The following TMEM38A variants were observed in gnomAD, a reference collection of about 807,000 sequenced individuals.
TMEM38A encodes the protein transmembrane protein 38A.
Under a neutral mutation model 28.6 loss-of-function variants are expected in TMEM38A, and 17 were observed. The ratio of observed to expected loss-of-function variants is 0.60; its 90% CI spans 0.41 to 0.89. The LOEUF (loss-of-function observed/expected upper bound fraction) is 0.89, where lower values mean the gene tolerates loss of function less well. Ranked by LOEUF, TMEM38A falls within the 40% of genes least tolerant of loss-of-function variation. The probability of loss-of-function intolerance (pLI) is 0.00; values close to 1 mark genes in which losing one functional copy is unlikely to be tolerated. For missense variants in TMEM38A, 328 were observed against 393.1 expected (o/e 0.83, Z 1.40); for synonymous variants, 169 against 166.1 (o/e 1.02, Z -0.14).
At chr19:16,663,526 T>C (rs1220920591) in intron 1 of TMEM38A, among the ~76,000 whole-genome samples, 1 of 151,574 alleles carries the variant, frequency 6.6e-6, no homozygotes, top group Non-Finnish European at 1.5e-5. Flanking sequence ...GGGAGCTTTT[T>C]TTCTTTTCTT....
At position 16,678,604 on chromosome 19, in the gene TMEM38A, A is replaced by G. The variant is rs201273908; in HGVS notation, c.125-1380A>G. On this transcript the variant is annotated intron_variant, in intron 1 of 5. Coordinates refer to ENST00000187762, the MANE Select transcript of TMEM38A (RefSeq NM_024074.4). The stretch of plus-strand genomic sequence containing the variant: ...GCGAAACCCCGTGCCTACTTTAAAT[A>G]TACAAAAAATTAGCCTGGCATGGTG... Among the ~76,000 whole-genome samples the G allele has an allele frequency of 5.9e-5, 9 of 151,752 alleles. No homozygotes were observed. The East Asian group carries it at 1.7e-3, about 29-fold the overall frequency.
At chr19:16,663,413 C>A (rs1193182252) in intron 1 of TMEM38A, among the ~76,000 whole-genome samples, 5 of 152,090 alleles carry the variant, frequency 3.3e-5, no homozygotes, top group African/African-American at 1.2e-4. Context: ...TGCAGAAGTC[C>A]TAGAATAAGC....
chr19:16,679,808 T>TGTGCAACCTCAGGCATGC (rs1405001329), intron 1 of TMEM38A, among the ~76,000 whole-genome samples, 176 bp from the exon 2 acceptor site: 2 of 152,214 alleles, frequency 1.3e-5, no homozygotes, highest in Admixed American at 6.5e-5. Context: ...CTATTTTCTC[T>TGTGCAACCTCAGGCATGC]GTGCAACCTC....
chr19:16,665,588 G>A (rs951147382), intron 1 of TMEM38A, among the ~76,000 whole-genome samples: 1 of 152,182 alleles, frequency 6.6e-6, no homozygotes, highest in African/African-American at 2.4e-5. Flanking sequence ...TCACCACCAT[G>A]AGCTTCAGTT....
chr19:16,668,748 G>C (rs1362216805), intron 1 of TMEM38A, among the ~76,000 whole-genome samples: 1 of 151,954 alleles, frequency 6.6e-6, no homozygotes, highest in Non-Finnish European at 1.5e-5. Flanking sequence ...CTTTCACTTA[G>C]GAATATGCAT....
chr19:16,681,953 G>T (rs568379680), intron 3 of TMEM38A, among the ~76,000 whole-genome samples: 1 of 152,246 alleles, frequency 6.6e-6, no homozygotes, highest in South Asian at 2.1e-4. Context: ...ATCTCCATTT[G>T]AGTCTTCTTA....
Position 16,679,252 on chromosome 19 carries a change from CGTGTGTGTGTGTGTGTGTGT to C in TMEM38A, c.125-705_125-686del, listed in dbSNP as rs35543309. On this transcript the variant is annotated intron_variant, in intron 1 of 5. Coordinates refer to ENST00000187762, the MANE Select transcript of TMEM38A (RefSeq NM_024074.4). ...GTCAGAATAGCAATTTCTTTTGTTT[CGTGTGTGTGTGTGTGTGTGT>C]GTGTGTGTGTGTGTGTGTGTGTGTG... 7.7e-3 allele frequency among the ~76,000 whole-genome samples: 992 copies of C among 128,392 alleles called. 15 individuals are homozygous for C. The highest frequency in any genetic ancestry group is 0.026 in the African/African-American group (933 of 35,640). The allele number at this position is 128,392 out of a possible 152,430, so 84.2% of individuals were successfully genotyped here.
chr19:16,682,422 T>A lies in TMEM38A; in HGVS notation c.468T>A (p.Gly156=). The part of the protein sequence containing the change: ...FVMIATGWVK[G]SGVALMSNFE... ...GTTCAGAAGCACCCTGTCCTGTAGG[T>A]TCTGGTGTCGCCCTCATGTCCAACT... The change falls in exon 4 of 6, where the codon GGT becomes GGA. Residue 156 remains glycine, a splice_region_variant and synonymous_variant. Transcript: ENST00000187762. The A allele has an allele frequency of 6.2e-7, 1 of 1,613,910 alleles. No individual in the cohort carries two copies. The highest frequency in any genetic ancestry group is 8.5e-7 in the Non-Finnish European group (1 of 1,179,954).
chr19:16,679,832 G>T (rs1480683083), intron 1 of TMEM38A, 152 bp from the exon 2 acceptor site: 2 of 735,536 alleles, frequency 2.7e-6, no homozygotes, highest in East Asian at 5.8e-5. Flanking sequence ...CATGCGTACA[G>T]CCTCTCTGAA....
At chr19:16,679,664 A>C (rs1242140339) in intron 1 of TMEM38A, among the ~76,000 whole-genome samples, 1 of 152,060 alleles carries the variant, frequency 6.6e-6, no homozygotes, top group Non-Finnish European at 1.5e-5. Flanking sequence ...TCCTCTTGAC[A>C]ATGAGACTCC....
chr19:16,666,758 G>A (rs1015963404), intron 1 of TMEM38A, among the ~76,000 whole-genome samples: 1 of 152,078 alleles, frequency 6.6e-6, no homozygotes, highest in Admixed American at 6.6e-5. Flanking sequence ...TTTGAGATCA[G>A]CCAGGCCAAC....
chr19:16,673,110 CT>C (rs978545036), intron 1 of TMEM38A, among the ~76,000 whole-genome samples: 47 of 152,100 alleles, frequency 3.1e-4, no homozygotes, highest in African/African-American at 1.1e-3. Flanking sequence ...GAGATGGAGC[CT>C]CCCTCTGTCG....
intron 4 of TMEM38A, among the ~76,000 whole-genome samples, chr19:16,685,196 G>A (rs889660664): frequency 2.6e-5 from 4 of 152,100 alleles, no homozygotes; most frequent in South Asian, 4.2e-4. Context: ...AAACCAGCCC[G>A]GCCGACATGG....
rs575432970 is a variant in TMEM38A, at chr19:16,688,404, C to A, written c.*33C>A. On this transcript the variant is annotated 3_prime_UTR_variant, in exon 6 of 6. Coordinates refer to ENST00000187762, the MANE Select transcript of TMEM38A (RefSeq NM_024074.4). ...CCCAAGGGGCACCGGGGAGAGGACC[C>A]GGACCCAGGACCCTCTGAGCTGGGA... 1 of 1,496,182 alleles carries A rather than the reference C, an allele frequency of 6.7e-7. No individual in the cohort carries two copies. The highest frequency in any genetic ancestry group is 8.9e-7 in the Non-Finnish European group (1 of 1,123,662). 92.7% of individuals were successfully genotyped at this position (1,496,182 alleles called of 1,614,324 possible).
intron 1 of TMEM38A, among the ~76,000 whole-genome samples, chr19:16,671,240 C>CT (rs2086726485): frequency 8.3e-6 from 1 of 119,974 alleles, no homozygotes; most frequent in African/African-American, 3.9e-5. Context: ...GAGTCTCACT[C>CT]TGTCACTCAG....
chr19:16,682,581 C>A, intron 4 of TMEM38A, 73 bp downstream of exon 4: 1 of 1,374,680 alleles, frequency 7.3e-7, no homozygotes, highest in Non-Finnish European at 1.0e-6. Flanking sequence ...TTGGATGCTG[C>A]TGATAACTTA....
chr19:16,669,673 A>T (rs984191333), intron 1 of TMEM38A, among the ~76,000 whole-genome samples: 1 of 152,092 alleles, frequency 6.6e-6, no homozygotes, highest in Non-Finnish European at 1.5e-5. Flanking sequence ...AGGGGAGGAA[A>T]CTGAGGCAGA....
Position 16,680,088 on chromosome 19 carries a change from C to T in TMEM38A, c.229C>T (p.Leu77=), listed in dbSNP as rs1174603487. 1 of 1,611,278 alleles carries T rather than the reference C, an allele frequency of 6.2e-7. No homozygotes were observed. ...ILADLLLGEP[L]IDYFSNNSSI... Reference sequence around the variant, plus strand: ...GGCTGATCTGCTCCTTGGGGAGCCACTGATCGATTACTTCAGCAACAACTC... The same window carrying T: ...GGCTGATCTGCTCCTTGGGGAGCCATTGATCGATTACTTCAGCAACAACTC... Residue 77 remains leucine, a synonymous_variant, in exon 2 of 6, where the codon CTG becomes TTG. Transcript: ENST00000187762.
At chr19:16,667,590 C>T (rs1478385893) in intron 1 of TMEM38A, among the ~76,000 whole-genome samples, 1 of 152,216 alleles carries the variant, frequency 6.6e-6, no homozygotes, top group African/African-American at 2.4e-5. Flanking sequence ...GACGTGGTGG[C>T]TCATGCCTGT....
Sources: gnomAD v4.1 joint callset for allele counts (sites outside exome capture counted in the v4.1 genomes callset) on GRCh38, gnomAD v4.1.1 for gene constraint, MANE v1.5 for transcripts, NCBI Gene and HGNC (gene_info 2026-07-23, HGNC 2026-07-21) for gene names.